Variants in MXD1 observed in about 807,000 individuals in gnomAD.
The protein encoded by MXD1 is MAX dimerization protein 1.
Under a neutral mutation model 25.7 loss-of-function variants are expected in MXD1, and 9 were observed. That is an observed-to-expected ratio of 0.35 (90% CI 0.21 to 0.61). The LOEUF (loss-of-function observed/expected upper bound fraction) is 0.61, where lower values mean the gene tolerates loss of function less well. Among genes scored for constraint, MXD1 ranks in the 20% least tolerant of loss-of-function variants. The probability of loss-of-function intolerance (pLI) is 0.75; values close to 1 mark genes in which losing one functional copy is unlikely to be tolerated. For missense variants in MXD1, 227 were observed against 292.4 expected (o/e 0.78, Z 1.63); for synonymous variants, 99 against 113.9 (o/e 0.87, Z 0.83).
rs555928506 is a variant in MXD1 at position 69,937,727 on chromosome 2, G to A, written c.478+333G>A. Among the ~76,000 whole-genome samples, 25 of 152,290 alleles carry A rather than the reference G, an allele frequency of 1.6e-4. No homozygotes were observed. In the East Asian group the frequency reaches 4.8e-3, roughly 29 times the overall value. On this transcript the variant is annotated intron_variant, in intron 5 of 5. Transcript: ENST00000264444. The stretch of plus-strand genomic sequence containing the variant: ...CCTCCCGGGTTCAAGCGATTCCCCT[G>A]CCTAAGCCTCCCAAGCAGCTGGGAT...
At position 69,938,184 on chromosome 2, in the gene MXD1, G is replaced by T; in HGVS notation, c.566G>T (p.Arg189Leu). The T allele has an allele frequency of 6.2e-7, 1 of 1,614,216 alleles. No homozygotes were observed. Among genetic ancestry groups the T allele is most frequent in the Non-Finnish European group, 8.5e-7 (1 of 1,180,028 alleles). Reference protein sequence around the residue: ...SSSSVSDSDERGSMQSLGSDE... With the variant: ...SSSSVSDSDELGSMQSLGSDE... ...AGCAGTGTGAGCGACTCTGACGAGC[G>T]GGGCAGCATGCAGAGCCTCGGCAGT... The change falls in exon 6 of 6, where the codon CGG (arginine) becomes CTG (leucine). Residue 189 changes from arginine to leucine, a missense_variant. Physicochemically the swap from Arg to Leu is moderately radical, Grantham distance 102 (BLOSUM62 -2). Transcript: ENST00000264444.
chr2:69,917,097 C>A (rs1186816086), intron 2 of MXD1, among the ~76,000 whole-genome samples: 1 of 152,144 alleles, frequency 6.6e-6, no homozygotes, highest in Non-Finnish European at 1.5e-5. Flanking sequence ...AGTTTAGAAT[C>A]CTTATCCCTC....
intron 3 of MXD1, among the ~76,000 whole-genome samples, chr2:69,924,962 C>T (rs1271040995): frequency 6.6e-6 from 1 of 152,202 alleles, no homozygotes. Context: ...AACACCAACA[C>T]TTTGAAGTAT....
chr2:69,937,465 G>C (rs376936129), intron 5 of MXD1, 71 bp downstream of exon 5: 4 of 1,411,094 alleles, frequency 2.8e-6, no homozygotes, highest in African/African-American at 1.4e-5. Flanking sequence ...TCAGTACTGC[G>C]GACAGGAGGC....
chr2:69,923,028 T>A, intron 3 of MXD1, among the ~76,000 whole-genome samples: 1 of 136,428 alleles, frequency 7.3e-6, no homozygotes. Flanking sequence ...TTCTTGTATC[T>A]CTAGTAAACA....
Position 69,940,228 on chromosome 2 carries a change from T to C in MXD1, c.*1944T>C, listed in dbSNP as rs1368901860. 1 of 152,050 alleles carries C rather than the reference T, an allele frequency of 6.6e-6. No individual in the cohort carries two copies. The highest frequency in any genetic ancestry group is 1.5e-5 in the Non-Finnish European group (1 of 68,036). 9.4% of individuals were successfully genotyped at this position (152,050 alleles called of 1,614,324 possible). On this transcript the variant is annotated 3_prime_UTR_variant, in exon 6 of 6. Coordinates refer to ENST00000264444, the MANE Select transcript of MXD1 (RefSeq NM_002357.4). The stretch of plus-strand genomic sequence containing the variant: ...TGCACTGAAATACAACTTGTATGCC[T>C]TTTGCATTTTTAAAGCCTGCTTCCT...
In MXD1 at chr2:69,935,586, C is replaced by T. The variant is rs372526315; in HGVS notation, c.318+121C>T. On this transcript the variant is annotated intron_variant, in intron 4 of 5. Coordinates refer to ENST00000264444, the MANE Select transcript of MXD1 (RefSeq NM_002357.4). ...TCCAGTCTAGCTATTGGATGAATCA[C>T]AGGTACCTCAAATGCAACATATTCA... is the stretch of plus-strand genomic sequence containing the variant. 1.9e-4 allele frequency: 128 copies of T among 682,848 alleles called. 1 individual carries two copies. The South Asian group carries it at 1.9e-3, about 10-fold the overall frequency. The allele number at this position is 682,848 out of a possible 1,614,324, so 42.3% of individuals were successfully genotyped here.
rs527606177 is a variant in MXD1, at chr2:69,936,482, T to C, written c.319-753T>C. ...TCTTGAGAGCCACAGCCAAAATCCC[T>C]GTTTAGCATGTTTGTATAATCATAT... On this transcript the variant is annotated intron_variant, in intron 4 of 5. Transcript: ENST00000264444. Among the ~76,000 whole-genome samples the C allele has an allele frequency of 3.3e-5, 5 of 152,326 alleles. No homozygotes were observed. The South Asian group carries it at 1.0e-3, about 32-fold the overall frequency.
chr2:69,922,888 A>C (rs1190700378), intron 3 of MXD1, among the ~76,000 whole-genome samples: 1 of 151,658 alleles, frequency 6.6e-6, no homozygotes, highest in Admixed American at 6.6e-5. Flanking sequence ...TCAAAAAAAA[A>C]AAAAAAAAGT....
chr2:69,922,594 A>T (rs1386219650), intron 3 of MXD1, among the ~76,000 whole-genome samples: 1 of 152,182 alleles, frequency 6.6e-6, no homozygotes, highest in African/African-American at 2.4e-5. Context: ...AAAATTTCAA[A>T]TCTGGCCAGG....
chr2:69,931,280 A>T (rs1482049970), intron 3 of MXD1, among the ~76,000 whole-genome samples: 1 of 151,784 alleles, frequency 6.6e-6, no homozygotes, highest in East Asian at 1.9e-4. Flanking sequence ...CCATTCTTTT[A>T]AGCTATTTTT....
intron 4 of MXD1, chr2:69,936,915 G>A: frequency 2.0e-6 from 1 of 503,866 alleles, no homozygotes; most frequent in Non-Finnish European, 4.0e-6. Flanking sequence ...TGCAAACAAG[G>A]GAGATCAGGT....
In MXD1 at chr2:69,937,275, A is replaced by G. The variant is rs770433904; in HGVS notation, c.359A>G (p.Asp120Gly). 6.2e-7 allele frequency: 1 copy of G among 1,614,132 alleles called. No individual in the cohort carries two copies. Among genetic ancestry groups the G allele is most frequent in the South Asian group, 1.1e-5 (1 of 91,072 alleles). ...DCDRKAVHQI[D>G]QLQREQRHLK... ...GACAGAAAAGCCGTTCACCAAATCG[A>G]CCAGCTTCAGCGAGAGCAGCGACAC... The change falls in exon 5 of 6, where the codon GAC (aspartate) becomes GGC (glycine). Residue 120 changes from aspartate to glycine, a missense_variant. Physicochemically the swap from Asp to Gly is moderately conservative, Grantham distance 94. Transcript: ENST00000264444.
rs1677513528 is a variant in MXD1, at chr2:69,938,473, C to G, written c.*189C>G. ...TTTCTGATTGCATCCACTAGCTTCT[C>G]TTTTTCTCGCCATAAAAATTTGTCT... On this transcript the variant is annotated 3_prime_UTR_variant, in exon 6 of 6. Coordinates refer to ENST00000264444, the MANE Select transcript of MXD1 (RefSeq NM_002357.4). The G allele has an allele frequency of 1.7e-6, 1 of 582,852 alleles. No homozygotes were observed. The allele number at this position is 582,852 out of a possible 1,614,324, so 36.1% of individuals were successfully genotyped here.
intron 3 of MXD1, among the ~76,000 whole-genome samples, chr2:69,931,849 T>A (rs1414543141): frequency 2.0e-5 from 3 of 152,212 alleles, no homozygotes; most frequent in African/African-American, 7.2e-5. Context: ...AGGTGAAGTT[T>A]GTTAGTCCAT....
rs988276932 is a variant in MXD1, at chr2:69,941,192, C to T, written c.*2908C>T. The T allele has an allele frequency of 7.9e-5, 12 of 152,114 alleles. No individual in the cohort carries two copies. Among genetic ancestry groups the T allele is most frequent in the African/African-American group, 2.7e-4 (11 of 41,408 alleles). 9.4% of individuals were successfully genotyped at this position (152,114 alleles called of 1,614,324 possible). On this transcript the variant is annotated 3_prime_UTR_variant, in exon 6 of 6. Transcript: ENST00000264444. ...TGCACTCTTATTGATACCATCATAACGCAAGTGGGAAAAATAAGAGTACGC... is the reference window on the plus strand; with the variant it reads ...TGCACTCTTATTGATACCATCATAATGCAAGTGGGAAAAATAAGAGTACGC...
chr2:69,919,858 T>C (rs1215467921), intron 2 of MXD1, among the ~76,000 whole-genome samples: 1 of 152,104 alleles, frequency 6.6e-6, no homozygotes, highest in African/African-American at 2.4e-5. Flanking sequence ...TTCTTTTTAA[T>C]TGAGATGGGC....
In MXD1 at chr2:69,941,747, C is replaced by T. The variant is rs757672275; in HGVS notation, c.*3463C>T. 1 of 152,056 alleles carries T rather than the reference C, an allele frequency of 6.6e-6. No individual in the cohort carries two copies. Among genetic ancestry groups the T allele is most frequent in the African/African-American group, 2.4e-5 (1 of 41,374 alleles). The allele number at this position is 152,056 out of a possible 1,614,324, so 9.4% of individuals were successfully genotyped here. ...GTAAACTAGGTAGGATTGTGATGCT[C>T]AAAATAACCATCTAGCAATATCTTG... is the stretch of plus-strand genomic sequence containing the variant. On this transcript the variant is annotated 3_prime_UTR_variant, in exon 6 of 6. Coordinates refer to ENST00000264444, the MANE Select transcript of MXD1 (RefSeq NM_002357.4).
intron 2 of MXD1, among the ~76,000 whole-genome samples, chr2:69,919,983 AGTTTTGTTTTGTTTTGTTTT>A (rs71993271): frequency 0.54 from 80,464 of 150,380 alleles, 23,536 homozygotes; most frequent in African/African-American, 0.79. Context: ...ACCATTTTAA[AGTTTTGTTTTGTTTTGTTTT>A]GTTTTGTTTT....
Sources: allele counts gnomAD v4.1 joint callset (sites outside exome capture counted in the v4.1 genomes callset), GRCh38; gene constraint gnomAD v4.1.1; transcripts MANE v1.5; gene names NCBI Gene and HGNC (gene_info 2026-07-23, HGNC 2026-07-21).